Variants in GAN observed in about 807,000 individuals in gnomAD.
The protein encoded by GAN is epididymis secretory sperm binding protein.
In GAN, 48 loss-of-function variants were observed where a neutral mutation model predicts 71.3. The ratio of observed to expected loss-of-function variants is 0.67; its 90% CI spans 0.53 to 0.86. The LOEUF is 0.86. Ranked by LOEUF, GAN falls within the 40% of genes least tolerant of loss-of-function variation. The pLI is 0.00. For missense variants in GAN, 928 were observed against 770.1 expected (o/e 1.21, Z -2.43); for synonymous variants, 386 against 276.8 (o/e 1.39, Z -3.92).
At chr16:81,361,002 T>C (rs1394408581) in intron 5 of GAN, among the ~76,000 whole-genome samples, 1 of 152,108 alleles carries the variant, frequency 6.6e-6, no homozygotes, top group Non-Finnish European at 1.5e-5. Context: ...GGCGGGTGGA[T>C]CATTTGAGGT....
At chr16:81,333,401 T>C (rs1181769594) in intron 1 of GAN, among the ~76,000 whole-genome samples, 1 of 152,134 alleles carries the variant, frequency 6.6e-6, no homozygotes, top group Non-Finnish European at 1.5e-5. Context: ...TATAACCCGG[T>C]CCATCCTTCT....
At chr16:81,352,031 G>T (rs1012483909) in intron 2 of GAN, among the ~76,000 whole-genome samples, 13 of 152,182 alleles carry the variant, frequency 8.5e-5, no homozygotes, top group African/African-American at 3.1e-4. Flanking sequence ...CCCGATTCCA[G>T]TCTTGCTTTG....
chr16:81,353,062 C>T (rs1022438824), intron 2 of GAN, among the ~76,000 whole-genome samples: 12 of 152,090 alleles, frequency 7.9e-5, no homozygotes, highest in South Asian at 2.1e-4. Context: ...GAGGCCGAGG[C>T]GGGTGGATCA....
Position 81,389,697 on chromosome 16 carries a change from G to GA in GAN, c.*12104dup, listed in dbSNP as rs1904508742. 6.6e-6 allele frequency: 1 copy of GA among 152,182 alleles called. No homozygotes were observed. The highest frequency in any genetic ancestry group is 2.4e-5 in the African/African-American group (1 of 41,428). The allele number at this position is 152,182 out of a possible 1,614,324, so 9.4% of individuals were successfully genotyped here. On this transcript the variant is annotated 3_prime_UTR_variant, in exon 11 of 11. Transcript: ENST00000648994. ...TCTGCCATGAAAGAGAACTATCAAG[G>GA]AAATTCCTGAAAACAAGATTTGTAA... is the stretch of plus-strand genomic sequence containing the variant.
At chr16:81,368,124 C>G (rs1247816967) in intron 9 of GAN, among the ~76,000 whole-genome samples, 3 of 152,078 alleles carry the variant, frequency 2.0e-5, no homozygotes, top group Admixed American at 6.5e-5. Flanking sequence ...ATATCTTATT[C>G]TTTTCTGTTT....
intron 7 of GAN, among the ~76,000 whole-genome samples, chr16:81,364,675 C>G (rs191020117): frequency 6.6e-6 from 1 of 152,100 alleles, no homozygotes; most frequent in African/African-American, 2.4e-5. Context: ...GGCAACTGAA[C>G]GAGACCCTGT....
In GAN at chr16:81,384,591, T is replaced by A. The variant is rs777455651; in HGVS notation, c.*6995T>A. 1 of 152,176 alleles carries A rather than the reference T, an allele frequency of 6.6e-6. No individual in the cohort carries two copies. The highest frequency in any genetic ancestry group is 1.5e-5 in the Non-Finnish European group (1 of 68,042). The allele number at this position is 152,176 out of a possible 1,614,324, so 9.4% of individuals were successfully genotyped here. A position where few individuals can be genotyped will look rare whatever the true frequency, so the allele number is the denominator to read the frequency against. On this transcript the variant is annotated 3_prime_UTR_variant, in exon 11 of 11. Coordinates refer to ENST00000648994, the MANE Select transcript of GAN (RefSeq NM_022041.4). ...AGGATACTATTTTTTTCATTTCTTA[T>A]AAGGTGCTATTGTTTCCCAGAAATC...
intron 1 of GAN, among the ~76,000 whole-genome samples, chr16:81,315,494 T>TCCCCACGGGACCCCCGCGCC (rs1909003456): frequency 1.3e-5 from 2 of 151,574 alleles, no homozygotes; most frequent in East Asian, 1.9e-4. Context: ...AGGCCCGCGC[T>TCCCCACGGGACCCCCGCGCC]CCCCACTGGA....
At chr16:81,327,668 A>G (rs372578747) in intron 1 of GAN, among the ~76,000 whole-genome samples, 1 of 152,218 alleles carries the variant, frequency 6.6e-6, no homozygotes, top group South Asian at 2.1e-4. Context: ...GAAAGTGAGT[A>G]GAAACATGAA....
intron 1 of GAN, among the ~76,000 whole-genome samples, chr16:81,348,285 G>T (rs906672926): frequency 6.6e-6 from 1 of 151,622 alleles, no homozygotes; most frequent in African/African-American, 2.4e-5. Context: ...TTATGTCATC[G>T]TACTCTTGTT....
At chr16:81,334,828 G>T (rs1378090953) in intron 1 of GAN, among the ~76,000 whole-genome samples, 3 of 152,116 alleles carry the variant, frequency 2.0e-5, no homozygotes, top group African/African-American at 7.2e-5. Flanking sequence ...CACCAACATC[G>T]CAATATTAAA....
In GAN at chr16:81,384,744, T is replaced by G. The variant is rs1289040415; in HGVS notation, c.*7148T>G. On this transcript the variant is annotated 3_prime_UTR_variant, in exon 11 of 11. Transcript: ENST00000648994. ...ACTGAAAATCATGAATGATGTGATT[T>G]GTTCCATGTATCTGTGGAACATCCC... is the stretch of plus-strand genomic sequence containing the variant. The G allele has an allele frequency of 6.6e-6, 1 of 152,250 alleles. No individual in the cohort carries two copies. The highest frequency in any genetic ancestry group is 2.4e-5 in the African/African-American group (1 of 41,460). 9.4% of individuals were successfully genotyped at this position (152,250 alleles called of 1,614,324 possible).
intron 1 of GAN, among the ~76,000 whole-genome samples, chr16:81,323,436 T>C (rs1011344443): frequency 6.6e-6 from 1 of 152,126 alleles, no homozygotes; most frequent in African/African-American, 2.4e-5. Flanking sequence ...AGAAAAGGGG[T>C]TATGAAAATA....
chr16:81,337,246 C>T (rs1045426956), intron 1 of GAN, among the ~76,000 whole-genome samples: 6 of 152,094 alleles, frequency 3.9e-5, no homozygotes, highest in African/African-American at 9.7e-5. Flanking sequence ...TCTCAGGGTC[C>T]GTTCCTGATA....
intron 9 of GAN, among the ~76,000 whole-genome samples, chr16:81,371,155 G>A (rs1476482377): frequency 6.6e-6 from 1 of 152,138 alleles, no homozygotes; most frequent in Non-Finnish European, 1.5e-5. Context: ...AAATGTTTGT[G>A]TACTTTGTTT....
At chr16:81,376,521 G>A (rs1002992343) in intron 9 of GAN, among the ~76,000 whole-genome samples, 5 of 146,622 alleles carry the variant, frequency 3.4e-5, no homozygotes, top group Non-Finnish European at 6.0e-5. Flanking sequence ...ATGTGTGTGT[G>A]TATACATATA....
intron 5 of GAN, among the ~76,000 whole-genome samples, chr16:81,358,790 T>C (rs1321873153): frequency 1.3e-5 from 2 of 152,206 alleles, no homozygotes; most frequent in Non-Finnish European, 2.9e-5. Context: ...CATTGAGGCA[T>C]TGCCTTTGCT....
In GAN at chr16:81,315,023, G is replaced by C. The variant is rs1908975862; in HGVS notation, c.-91G>C. 1 of 1,122,154 alleles carries C rather than the reference G, an allele frequency of 8.9e-7. No individual in the cohort carries two copies. The highest frequency in any genetic ancestry group is 3.2e-5 in the East Asian group (1 of 30,794). 69.5% of individuals were successfully genotyped at this position (1,122,154 alleles called of 1,614,324 possible). A position where few individuals can be genotyped will look rare whatever the true frequency, so the allele number is the denominator to read the frequency against. On this transcript the variant is annotated 5_prime_UTR_variant, in exon 1 of 11. Transcript: ENST00000648994. ...GCTCAGAGCGCGGAGAGCCGGGCCG[G>C]GCGGGCGCGCGCGCAGGACTCGGGC...
At chr16:81,321,652 A>G (rs1363485156) in intron 1 of GAN, among the ~76,000 whole-genome samples, 1 of 152,226 alleles carries the variant, frequency 6.6e-6, no homozygotes, top group African/African-American at 2.4e-5. Flanking sequence ...AAACATAATT[A>G]GGACAAATAA....
Sources: gnomAD v4.1 joint callset for allele counts (sites outside exome capture counted in the v4.1 genomes callset) on GRCh38, gnomAD v4.1.1 for gene constraint, MANE v1.5 for transcripts, NCBI Gene and HGNC (gene_info 2026-07-23, HGNC 2026-07-21) for gene names.